BRK1: variants seen among roughly 807,000 people sequenced by gnomAD.
The protein encoded by BRK1 is protein BRICK1.
A neutral mutation model predicts 9.9 loss-of-function variants in BRK1; 6 were observed. The observed-to-expected ratio is 0.60, with a 90% confidence interval of 0.33 to 1.19. The LOEUF is 1.19. BRK1 is among the 50% of genes most tolerant of loss of function. The probability of loss-of-function intolerance (pLI) is 0.04; values close to 1 mark genes in which losing one functional copy is unlikely to be tolerated. For synonymous variants in BRK1, 44 were observed against 31.9 expected (o/e 1.38, Z -1.28); for missense variants, 62 against 97.5 (o/e 0.64, Z 1.53).
At chr3:10,116,580 C>A (rs1452443968) in intron 1 of BRK1, among the ~76,000 whole-genome samples, 1 of 152,144 alleles carries the variant, frequency 6.6e-6, no homozygotes. Context: ...GCAAGCAAAG[C>A]AATCGAGATT....
At chr3:10,123,644 CAGGA>C in intron 1 of BRK1, among the ~76,000 whole-genome samples, 1 of 136,480 alleles carries the variant, frequency 7.3e-6, no homozygotes, top group Non-Finnish European at 1.6e-5. Context: ...TTGTGTTAGC[CAGGA>C]TGGTCTCCAT....
intron 1 of BRK1, 74 bp downstream of exon 1, chr3:10,115,893 G>A: frequency 8.6e-7 from 1 of 1,168,798 alleles, no homozygotes; most frequent in Non-Finnish European, 1.3e-6. Flanking sequence ...CCGGGGAGAT[G>A]CTTTGAGAGG....
chr3:10,126,185 C>A, intron 2 of BRK1, 84 bp from the exon 3 acceptor site: 1 of 933,010 alleles, frequency 1.1e-6, no homozygotes, highest in Non-Finnish European at 1.5e-6. Context: ...CTATTTCTCA[C>A]TGCCTAGGAT....
chr3:10,116,745 CAG>C (rs1429392543), intron 1 of BRK1, among the ~76,000 whole-genome samples: 1 of 152,160 alleles, frequency 6.6e-6, no homozygotes, highest in African/African-American at 2.4e-5. Flanking sequence ...ACAAAGGTGA[CAG>C]AGCAAGAGAT....
chr3:10,117,712 C>G (rs1388488393), intron 1 of BRK1, among the ~76,000 whole-genome samples: 1 of 151,726 alleles, frequency 6.6e-6, no homozygotes, highest in East Asian at 1.9e-4. Flanking sequence ...AAATTCTAAA[C>G]TAAGGAATTA....
At chr3:10,119,983 T>C (rs1390574326) in intron 1 of BRK1, among the ~76,000 whole-genome samples, 1 of 152,108 alleles carries the variant, frequency 6.6e-6, no homozygotes, top group African/African-American at 2.4e-5. Flanking sequence ...TTCAGAATTT[T>C]GCTGGAAAAG....
intron 1 of BRK1, among the ~76,000 whole-genome samples, chr3:10,120,491 G>A (rs1288436169): frequency 2.6e-5 from 4 of 152,084 alleles, no homozygotes; most frequent in African/African-American, 9.7e-5. Context: ...CACCGTGCCC[G>A]GCCTGACAGT....
intron 1 of BRK1, among the ~76,000 whole-genome samples, chr3:10,119,458 A>G (rs1204905422): frequency 2.0e-5 from 3 of 152,192 alleles, no homozygotes; most frequent in African/African-American, 7.2e-5. Flanking sequence ...ACTCTCTCTC[A>G]AAGAAAAAGA....
intron 1 of BRK1, among the ~76,000 whole-genome samples, chr3:10,120,029 C>T (rs1695735874): frequency 6.8e-6 from 1 of 147,236 alleles, no homozygotes; most frequent in African/African-American, 2.6e-5. Context: ...AAAAGAAAGA[C>T]AGTTTTTGTT....
chr3:10,121,007 G>A (rs1180403301), intron 1 of BRK1, among the ~76,000 whole-genome samples: 1 of 152,128 alleles, frequency 6.6e-6, no homozygotes, highest in Admixed American at 6.6e-5. Flanking sequence ...TGGTCCTGTT[G>A]GGCAGTTCCG....
intron 1 of BRK1, among the ~76,000 whole-genome samples, chr3:10,122,517 G>A (rs553845891): frequency 1.3e-5 from 2 of 151,734 alleles, no homozygotes; most frequent in South Asian, 4.2e-4. Context: ...ATCAGCCTGG[G>A]CAACAAAGTG....
chr3:10,117,894 T>G (rs1365575298), intron 1 of BRK1, among the ~76,000 whole-genome samples: 1 of 152,122 alleles, frequency 6.6e-6, no homozygotes, highest in Non-Finnish European at 1.5e-5. Context: ...TACAACTAAG[T>G]AAGAAGAGAA....
chr3:10,119,247 A>G (rs1201845279), intron 1 of BRK1, among the ~76,000 whole-genome samples: 1 of 151,966 alleles, frequency 6.6e-6, no homozygotes, highest in African/African-American at 2.4e-5. Flanking sequence ...ACTTGAGCTC[A>G]GGAGTTTGAG....
chr3:10,125,195 C>T (rs532630128), intron 1 of BRK1, among the ~76,000 whole-genome samples: 47 of 152,192 alleles, frequency 3.1e-4, no homozygotes, highest in Admixed American at 1.0e-3. Context: ...CTTTGCCCCC[C>T]CCGGTTCAAG....
At chr3:10,126,155 C>T (rs1231841826) in intron 2 of BRK1, 114 bp from the exon 3 acceptor site, 2 of 691,074 alleles carry the variant, frequency 2.9e-6, no homozygotes, top group East Asian at 3.0e-5. Context: ...TCTGTGACTT[C>T]ACAGCTATCT....
At chr3:10,124,557 C>T (rs1404988501) in intron 1 of BRK1, among the ~76,000 whole-genome samples, 1 of 151,982 alleles carries the variant, frequency 6.6e-6, no homozygotes, top group Non-Finnish European at 1.5e-5. Context: ...AAACACTGGT[C>T]ACTGGGCTAG....
At chr3:10,120,966 A>G (rs543773563) in intron 1 of BRK1, among the ~76,000 whole-genome samples, 1 of 152,336 alleles carries the variant, frequency 6.6e-6, no homozygotes, top group African/African-American at 2.4e-5. Flanking sequence ...ACGTGCTTTC[A>G]GACTTCCAAA....
chr3:10,125,755 C>A, intron 2 of BRK1, 47 bp downstream of exon 2: 1 of 1,366,418 alleles, frequency 7.3e-7, no homozygotes, highest in Non-Finnish European at 1.0e-6. Context: ...CACATTTCCA[C>A]TTATTGCTGA....
intron 1 of BRK1, among the ~76,000 whole-genome samples, chr3:10,121,877 G>A (rs1203509602): frequency 6.9e-6 from 1 of 145,228 alleles, no homozygotes; most frequent in African/African-American, 2.5e-5. Flanking sequence ...CTCTGCACCC[G>A]GCCACTTTTT....
Sources: gnomAD v4.1 joint callset for allele counts (sites outside exome capture counted in the v4.1 genomes callset) on GRCh38, gnomAD v4.1.1 for gene constraint, MANE v1.5 for transcripts, NCBI Gene and HGNC (gene_info 2026-07-23, HGNC 2026-07-21) for gene names.